The following CLSTN2 variants were observed in gnomAD, a reference collection of about 807,000 sequenced individuals.
The protein encoded by CLSTN2 is calsyntenin 2.
CLSTN2 carries 48 observed loss-of-function variants against 101.2 expected under a neutral mutation model. That is an observed-to-expected ratio of 0.47 (90% CI 0.38 to 0.60). The LOEUF (loss-of-function observed/expected upper bound fraction) is 0.60, where lower values mean the gene tolerates loss of function less well. CLSTN2 is among the 20% of genes least tolerant of loss of function. The probability of loss-of-function intolerance (pLI) is 0.00; values close to 1 mark genes in which losing one functional copy is unlikely to be tolerated. For synonymous variants in CLSTN2, 481 were observed against 463.6 expected (o/e 1.04, Z -0.48); for missense variants, 1,160 against 1,238.2 (o/e 0.94, Z 0.95).
intron 2 of CLSTN2, among the ~76,000 whole-genome samples, chr3:140,293,480 C>T (rs569100539): frequency 6.6e-6 from 1 of 152,288 alleles, no homozygotes; most frequent in African/African-American, 2.4e-5. Flanking sequence ...CAAAGCTTAA[C>T]ATTGGATATG....
chr3:139,975,962 G>C (rs1380389907), intron 1 of CLSTN2, among the ~76,000 whole-genome samples: 4 of 152,238 alleles, frequency 2.6e-5, no homozygotes, highest in Non-Finnish European at 5.9e-5. Flanking sequence ...TACTAGTACA[G>C]AGAGACTCAG....
intron 2 of CLSTN2, among the ~76,000 whole-genome samples, chr3:140,300,867 C>A (rs1023417591): frequency 2.0e-5 from 3 of 152,008 alleles, no homozygotes; most frequent in African/African-American, 7.3e-5. Flanking sequence ...ATTATGGAGG[C>A]TGAGAAGTCC....
intron 2 of CLSTN2, among the ~76,000 whole-genome samples, chr3:140,295,344 T>A (rs2086993224): frequency 6.6e-6 from 1 of 152,210 alleles, no homozygotes; most frequent in African/African-American, 2.4e-5. Flanking sequence ...CAGCCTTTTA[T>A]CCACCACATA....
chr3:139,988,037 A>T (rs1186965786), intron 1 of CLSTN2, among the ~76,000 whole-genome samples: 1 of 152,158 alleles, frequency 6.6e-6, no homozygotes, highest in Non-Finnish European at 1.5e-5. Flanking sequence ...CCAGCACTAG[A>T]TATCTTCCAG....
chr3:140,408,458 C>G (rs1423720970), intron 4 of CLSTN2, among the ~76,000 whole-genome samples: 1 of 152,174 alleles, frequency 6.6e-6, no homozygotes, highest in Admixed American at 6.5e-5. Flanking sequence ...GTCTTCTACC[C>G]TCAGGATCTC....
chr3:140,160,942 G>C (rs1214905529), intron 1 of CLSTN2, among the ~76,000 whole-genome samples: 1 of 152,080 alleles, frequency 6.6e-6, no homozygotes, highest in African/African-American at 2.4e-5. Flanking sequence ...AATCATTGAG[G>C]AGGAATCACT....
At chr3:140,398,564 G>A (rs759853320) in intron 2 of CLSTN2, among the ~76,000 whole-genome samples, 26 of 152,144 alleles carry the variant, frequency 1.7e-4, no homozygotes, top group Non-Finnish European at 3.2e-4. Context: ...GACTGACAGA[G>A]CACACTCAGA....
At chr3:140,125,707 T>C (rs1427860144) in intron 1 of CLSTN2, among the ~76,000 whole-genome samples, 1 of 152,160 alleles carries the variant, frequency 6.6e-6, no homozygotes, top group East Asian at 1.9e-4. Context: ...TTCAGCCATA[T>C]AGATTGAGCC....
chr3:140,281,705 G>T (rs1423611561), intron 2 of CLSTN2, among the ~76,000 whole-genome samples: 1 of 152,006 alleles, frequency 6.6e-6, no homozygotes, highest in Admixed American at 6.6e-5. Flanking sequence ...GTGGGGAGTG[G>T]ATAATTTTAG....
intron 2 of CLSTN2, among the ~76,000 whole-genome samples, chr3:140,274,704 G>A (rs762141862): frequency 6.6e-6 from 1 of 152,162 alleles, no homozygotes; most frequent in Non-Finnish European, 1.5e-5. Context: ...TAAGTCAGAG[G>A]TCTGGGCTCG....
chr3:139,938,060 A>ACAC (rs1220868319), intron 1 of CLSTN2, among the ~76,000 whole-genome samples: 2 of 151,566 alleles, frequency 1.3e-5, no homozygotes, highest in African/African-American at 4.9e-5. Context: ...TTGAAATGAT[A>ACAC]AAGCTGTATG....
At chr3:140,377,393 A>G (rs1441852963) in intron 2 of CLSTN2, among the ~76,000 whole-genome samples, 1 of 152,230 alleles carries the variant, frequency 6.6e-6, no homozygotes, top group Non-Finnish European at 1.5e-5. Flanking sequence ...ACAGCATCAG[A>G]CAAGTCCTTC....
intron 2 of CLSTN2, among the ~76,000 whole-genome samples, chr3:140,263,461 C>T (rs945207394): frequency 5.9e-5 from 9 of 152,176 alleles, no homozygotes; most frequent in African/African-American, 2.2e-4. Flanking sequence ...GTTGCTCACT[C>T]AGGCAGGTTG....
chr3:140,532,319 C>T lies in CLSTN2; in HGVS notation c.1345-5C>T. 1 of 1,587,504 alleles carries T rather than the reference C, an allele frequency of 6.3e-7. No individual in the cohort carries two copies. Among genetic ancestry groups the T allele is most frequent in the South Asian group, 1.2e-5 (1 of 86,418 alleles). ...TTAAATGTTGCTTCTCTTTCCTTTT[C>T]TTAGATTTGTGACAAAGAGTGGCAC... On this transcript the variant is annotated splice_polypyrimidine_tract_variant and splice_region_variant and intron_variant, in intron 8 of 16. Transcript: ENST00000458420.
chr3:140,526,645 A>ACAAC lies in CLSTN2; in HGVS notation c.1345-5679_1345-5678insCAAC, dbSNP rs1553751556. Among the ~76,000 whole-genome samples, 448 of 150,672 alleles carry ACAAC rather than the reference A, an allele frequency of 3.0e-3. 3 individuals are homozygous for ACAAC. The highest frequency in any genetic ancestry group is 9.1e-3 in the African/African-American group (375 of 41,180). On this transcript the variant is annotated intron_variant, in intron 8 of 16. Transcript: ENST00000458420. ...TACTGAGCAAACAACAACAACAACA[A>ACAAC]AAAAAAAACTGGAGGCATCACATTA...
At chr3:140,345,996 G>T (rs193106989) in intron 2 of CLSTN2, among the ~76,000 whole-genome samples, 1 of 152,186 alleles carries the variant, frequency 6.6e-6, no homozygotes, top group Non-Finnish European at 1.5e-5. Context: ...ACCATGCATG[G>T]CTTCCCATGC....
intron 2 of CLSTN2, among the ~76,000 whole-genome samples, chr3:140,260,766 A>G (rs2086644253): frequency 6.6e-6 from 1 of 152,150 alleles, no homozygotes; most frequent in Non-Finnish European, 1.5e-5. Context: ...ACCATATCAC[A>G]TGTAGTTGCC....
At chr3:140,173,682 A>G (rs2010274520) in intron 1 of CLSTN2, among the ~76,000 whole-genome samples, 1 of 152,092 alleles carries the variant, frequency 6.6e-6, no homozygotes, top group Admixed American at 6.5e-5. Context: ...AGGTTTCCAA[A>G]CCTCAATTCT....
intron 1 of CLSTN2, among the ~76,000 whole-genome samples, chr3:140,088,765 C>G (rs2008720640): frequency 6.6e-6 from 1 of 152,192 alleles, no homozygotes; most frequent in Admixed American, 6.5e-5. Flanking sequence ...GGGTTTCTTC[C>G]TGGACCCAGC....
Sources: allele counts gnomAD v4.1 joint callset (sites outside exome capture counted in the v4.1 genomes callset), GRCh38; gene constraint gnomAD v4.1.1; transcripts MANE v1.5; gene names NCBI Gene and HGNC (gene_info 2026-07-23, HGNC 2026-07-21).